The following ATG7 variants were observed in gnomAD, a reference collection of about 807,000 sequenced individuals.
The protein encoded by ATG7 is ubiquitin-like modifier-activating enzyme ATG7.
ATG7 carries 70 observed loss-of-function variants against 82.4 expected under a neutral mutation model. That is an observed-to-expected ratio of 0.85 (90% CI 0.70 to 1.04). ATG7 has a LOEUF of 1.04. ATG7 is among the 50% of genes least tolerant of loss of function. ATG7 has a pLI of 0.00. For synonymous variants in ATG7, 287 were observed against 313.0 expected, an observed-to-expected ratio of 0.92 and a Z score of 0.88; for missense variants, 792 against 864.3, an observed-to-expected ratio of 0.92 and a Z score of 1.05.
chr3:11,347,195 GT>G, intron 13 of ATG7, among the ~76,000 whole-genome samples: 1 of 152,162 alleles, frequency 6.6e-6, no homozygotes, highest in East Asian at 1.9e-4. Flanking sequence ...CTGGGCATCA[GT>G]TTCCATATCT....
the ATG7 span, chr3:11,568,908 C>T: frequency 4.7e-6 from 6 of 1,288,814 alleles, no homozygotes; most frequent in Non-Finnish European, 5.9e-6. This position sits in a 1 kb window ranked among gnomAD's most constrained non-coding sequence, Gnocchi z 5.9. Context: ...GCCTCATCCC[C>T]ATCCTAGGCG....
At chr3:11,315,311 T>C (rs953704847) in intron 8 of ATG7, 33 bp from the exon 9 acceptor site, 1 of 1,495,530 alleles carries the variant, frequency 6.7e-7, no homozygotes, top group Admixed American at 2.3e-5. Context: ...AATGTAATTT[T>C]CTAGAGAATA....
At chr3:11,561,362 G>C (rs186573356), downstream of ATG7, among the ~76,000 whole-genome samples, 37 of 152,336 alleles carry the variant, frequency 2.4e-4, no homozygotes, top group African/African-American at 7.5e-4. Context: ...AGCAGGGCAG[G>C]CTGGCTGACT....
chr3:11,575,187 C>T, the ATG7 span, among the ~76,000 whole-genome samples: 1 of 152,120 alleles, frequency 6.6e-6, no homozygotes, highest in South Asian at 2.1e-4. Context: ...TGCCAATGCC[C>T]GGAGGGTTTC....
intron 19 of ATG7, among the ~76,000 whole-genome samples, chr3:11,397,007 AGAT>A (rs1394599160): frequency 2.0e-5 from 3 of 152,170 alleles, no homozygotes; most frequent in Admixed American, 6.5e-5. Flanking sequence ...AAATTGAAAA[AGAT>A]GATTTAAAGG....
intron 3 of ATG7, among the ~76,000 whole-genome samples, chr3:11,295,005 A>G (rs1575222086): frequency 6.6e-6 from 1 of 152,298 alleles, no homozygotes; most frequent in African/African-American, 2.4e-5. Flanking sequence ...CCAGCTACTC[A>G]GGAGGCTTAG....
the ATG7 span, among the ~76,000 whole-genome samples, chr3:11,574,970 C>T: frequency 6.6e-6 from 1 of 152,112 alleles, no homozygotes; most frequent in South Asian, 2.1e-4. Flanking sequence ...ACCCTTTTGG[C>T]TTGGTAGTGT....
rs555273544 is a variant in ATG7, at chr3:11,315,389, G to A, written c.574G>A (p.Gly192Arg). 55 of 1,610,224 alleles carry A rather than the reference G, an allele frequency of 3.4e-5. No homozygotes were observed. The East Asian group carries it at 1.2e-3, about 35-fold the overall frequency. Reference sequence around the variant, plus strand: ...ATATGATAATCTTTGTCAAACAGAAGGAGTCACAGCTCTTCCTTACTTCTT... The same window carrying A: ...ATATGATAATCTTTGTCAAACAGAAAGAGTCACAGCTCTTCCTTACTTCTT... The part of the protein sequence containing the change: ...CAYDNLCQTE[G>R]VTALPYFLIK... Residue 192 changes from glycine (G) to arginine (R), a missense_variant, in exon 9 of 21, where the codon GGA (glycine) becomes AGA (arginine). Physicochemically the swap from Gly to Arg is moderately radical, Grantham distance 125 (BLOSUM62 -2). Coordinates refer to ENST00000693202, the MANE Select transcript of ATG7 (RefSeq NM_001349232.2).
chr3:11,404,560 T>C (rs2152901901), intron 19 of ATG7, among the ~76,000 whole-genome samples: 1 of 152,090 alleles, frequency 6.6e-6, no homozygotes, highest in East Asian at 1.9e-4. Flanking sequence ...TCTCAGATCT[T>C]CCCTGAGCAG....
chr3:11,275,528 T>TTTA (rs1941571959), intron 1 of ATG7, among the ~76,000 whole-genome samples: 2 of 148,608 alleles, frequency 1.3e-5, no homozygotes, highest in Admixed American at 6.7e-5. Context: ...TTTTTTTTTT[T>TTTA]TTTTTTTTTT....
At chr3:11,332,809 A>G (rs1000108380) in intron 10 of ATG7, 163 bp from the exon 11 acceptor site, 1 of 597,756 alleles carries the variant, frequency 1.7e-6, no homozygotes, top group African/African-American at 1.9e-5. Flanking sequence ...ATATATGAAT[A>G]TGTTCAAAAG....
At chr3:11,494,779 A>G (rs930619658) in intron 20 of ATG7, among the ~76,000 whole-genome samples, 6 of 152,146 alleles carry the variant, frequency 3.9e-5, no homozygotes, top group African/African-American at 1.4e-4. Flanking sequence ...TGCACTCTGT[A>G]AAGGCTTGAA....
chr3:11,336,411 A>C (rs1317046430), intron 11 of ATG7, among the ~76,000 whole-genome samples: 1 of 152,186 alleles, frequency 6.6e-6, no homozygotes, highest in East Asian at 1.9e-4. Flanking sequence ...TAATGCCTTT[A>C]ACACATCTTC....
chr3:11,559,188 A>G, downstream of ATG7: 1 of 1,362,430 alleles, frequency 7.3e-7, no homozygotes, highest in Non-Finnish European at 9.7e-7. Flanking sequence ...CGCTAGGCGC[A>G]CACTGGACGT....
At chr3:11,482,477 T>A (rs1273582182) in intron 20 of ATG7, among the ~76,000 whole-genome samples, 1 of 152,216 alleles carries the variant, frequency 6.6e-6, no homozygotes, top group Non-Finnish European at 1.5e-5. Flanking sequence ...TGCTGACTCC[T>A]TCAGTAGAAT....
intron 14 of ATG7, among the ~76,000 whole-genome samples, chr3:11,355,547 A>G (rs1187618528): frequency 6.6e-6 from 1 of 152,200 alleles, no homozygotes; most frequent in Non-Finnish European, 1.5e-5. Context: ...TTAAGGGGGA[A>G]AAAAGCTTGA....
intron 3 of ATG7, among the ~76,000 whole-genome samples, chr3:11,293,661 A>G (rs1945343042): frequency 6.6e-6 from 1 of 151,734 alleles, no homozygotes; most frequent in Non-Finnish European, 1.5e-5. Context: ...TAGCCTGACC[A>G]ATGTAGCGAA....
In ATG7 at chr3:11,417,800, A is replaced by ATTTTTTTTTTTTTT. The variant is rs1314378737; in HGVS notation, c.1957-9000_1957-8999insTTTTTTTTTTTTTT. Among the ~76,000 whole-genome samples, 3 of 109,368 alleles carry ATTTTTTTTTTTTTT rather than the reference A, an allele frequency of 2.7e-5. No individual in the cohort carries two copies. In the Admixed American group the frequency reaches 3.2e-4, roughly 12 times the overall value. The allele number at this position is 109,368 out of a possible 152,430, so 71.7% of individuals were successfully genotyped here. A position where few individuals can be genotyped will look rare whatever the true frequency, so the allele number is the denominator to read the frequency against. On this transcript the variant is annotated intron_variant, in intron 19 of 20. Transcript: ENST00000693202. ...CATTTAAAAAATTATTATTATTATT[A>ATTTTTTTTTTTTTT]TTTTATTTTATTTTATTTTTTTTTT... is the stretch of plus-strand genomic sequence containing the variant.
chr3:11,570,782 GTCC>G, the ATG7 span, among the ~76,000 whole-genome samples: 6 of 152,118 alleles, frequency 3.9e-5, no homozygotes, highest in African/African-American at 1.4e-4. Context: ...AACTTCTGTT[GTCC>G]TCCTCACCTC....
Sources: gnomAD v4.1 joint callset for allele counts (sites outside exome capture counted in the v4.1 genomes callset) on GRCh38, gnomAD v4.1.1 for gene constraint, Gnocchi (gnomAD v3.1) non-coding constraint, MANE v1.5 for transcripts, NCBI Gene and HGNC (gene_info 2026-07-23, HGNC 2026-07-21) for gene names.